CWC27: variants seen among roughly 807,000 people sequenced by gnomAD.
CWC27 encodes spliceosome-associated protein CWC27 homolog.
Under a neutral mutation model 63.6 loss-of-function variants are expected in CWC27, and 47 were observed. The ratio of observed to expected loss-of-function variants is 0.74; its 90% CI spans 0.58 to 0.94. CWC27 has a LOEUF of 0.94. CWC27 is among the 40% of genes least tolerant of loss of function. CWC27 has a pLI of 0.00. For synonymous variants in CWC27, 175 were observed against 179.8 expected, an observed-to-expected ratio of 0.97 and a Z score of 0.22; for missense variants, 495 against 554.3, an observed-to-expected ratio of 0.89 and a Z score of 1.07.
At chr5:64,838,389 T>C (rs1364020969) in intron 10 of CWC27, among the ~76,000 whole-genome samples, 2 of 152,186 alleles carry the variant, frequency 1.3e-5, no homozygotes, top group African/African-American at 4.8e-5. Context: ...TACATATAGA[T>C]TATGTATATA....
At position 64,999,887 on chromosome 5, in the gene CWC27, T is replaced by G. The variant is rs78439969; in HGVS notation, c.1257-18272T>G. Among the ~76,000 whole-genome samples, 682 of 152,154 alleles carry G rather than the reference T, an allele frequency of 4.5e-3. 7 individuals carry two copies. The highest frequency in any genetic ancestry group is 0.023 in the East Asian group (118 of 5,182). On this transcript the variant is annotated intron_variant, in intron 13 of 13. Transcript: ENST00000381070. ...AATGCTGGGTCATATGGTAGCTCTA[T>G]TTTTACCTTTCTGAGAAACCTCCAT...
chr5:65,015,280 A>G (rs940254670), intron 13 of CWC27, among the ~76,000 whole-genome samples: 1 of 152,232 alleles, frequency 6.6e-6, no homozygotes, highest in Non-Finnish European at 1.5e-5. Flanking sequence ...GAGAATCCCT[A>G]CTAGAAATGG....
intron 5 of CWC27, 139 bp downstream of exon 5, chr5:64,785,718 G>A: frequency 2.0e-6 from 1 of 506,174 alleles, no homozygotes; most frequent in South Asian, 3.6e-5. Flanking sequence ...AATTTATTTG[G>A]GCACCGTTTC....
At chr5:64,918,520 A>G (rs1162257293) in intron 11 of CWC27, among the ~76,000 whole-genome samples, 2 of 152,174 alleles carry the variant, frequency 1.3e-5, no homozygotes, top group African/African-American at 2.4e-5. Context: ...TCAAAACATG[A>G]TGTTGTACAC....
intron 1 of CWC27, among the ~76,000 whole-genome samples, chr5:64,774,430 T>C (rs760315786): frequency 3.9e-5 from 6 of 152,236 alleles, no homozygotes; most frequent in Non-Finnish European, 8.8e-5. Context: ...TGAAGTTTTT[T>C]TCTGTGATTA....
At chr5:64,870,503 A>G (rs931564548) in intron 10 of CWC27, among the ~76,000 whole-genome samples, 1 of 151,450 alleles carries the variant, frequency 6.6e-6, no homozygotes, top group Non-Finnish European at 1.5e-5. Flanking sequence ...AAAAAAATAC[A>G]TGATCCATTA....
At chr5:64,858,732 A>G (rs747977396) in intron 10 of CWC27, among the ~76,000 whole-genome samples, 4 of 152,298 alleles carry the variant, frequency 2.6e-5, no homozygotes, top group Non-Finnish European at 5.9e-5. Flanking sequence ...ACATTTAAAA[A>G]AAAAATGAAA....
intron 10 of CWC27, among the ~76,000 whole-genome samples, chr5:64,820,509 TATC>T (rs1745167609): frequency 6.6e-6 from 1 of 151,930 alleles, no homozygotes; most frequent in African/African-American, 2.4e-5. Flanking sequence ...TGTGAACCAA[TATC>T]TAGAGTGTGA....
intron 1 of CWC27, among the ~76,000 whole-genome samples, chr5:64,772,236 T>C (rs1413262231): frequency 3.3e-5 from 5 of 152,188 alleles, no homozygotes; most frequent in African/African-American, 4.8e-5. Flanking sequence ...GAGTGCATAC[T>C]TCAGTGGGTG....
At chr5:64,996,687 A>G (rs1749638427) in intron 13 of CWC27, among the ~76,000 whole-genome samples, 1 of 152,104 alleles carries the variant, frequency 6.6e-6, no homozygotes, top group African/African-American at 2.4e-5. Flanking sequence ...TTGGCTCAAT[A>G]GTTTGATTCC....
chr5:64,885,738 T>TGTGTGTGTGTGTGTGTGTGTGTGTG (rs60595588), intron 11 of CWC27, among the ~76,000 whole-genome samples, 192 bp downstream of exon 11: 2 of 141,390 alleles, frequency 1.4e-5, no homozygotes, highest in East Asian at 1.9e-4. Context: ...TGTGTGTGTG[T>TGTGTGTGTGTGTGTGTGTGTGTGTG]TTTTAATACT....
At chr5:64,772,098 T>A (rs929949394) in intron 1 of CWC27, among the ~76,000 whole-genome samples, 17 of 152,134 alleles carry the variant, frequency 1.1e-4, no homozygotes, top group African/African-American at 4.1e-4. Context: ...TCAGATAGTG[T>A]GCGCAAGGTA....
chr5:65,003,152 C>T (rs1049584525), intron 13 of CWC27, among the ~76,000 whole-genome samples: 3 of 152,104 alleles, frequency 2.0e-5, no homozygotes, highest in Admixed American at 6.5e-5. Context: ...TTTTCCATCC[C>T]TTCATTTTCA....
intron 10 of CWC27, among the ~76,000 whole-genome samples, chr5:64,881,006 T>G (rs1477393662): frequency 6.6e-6 from 1 of 151,914 alleles, no homozygotes; most frequent in African/African-American, 2.4e-5. Context: ...TTTGAACATA[T>G]TTAAATATAT....
chr5:64,878,271 G>A (rs995371678), intron 10 of CWC27, among the ~76,000 whole-genome samples: 4 of 151,440 alleles, frequency 2.6e-5, no homozygotes, highest in African/African-American at 9.7e-5. Context: ...TTTAAATGAA[G>A]AAAACAACTC....
chr5:64,803,027 C>T (rs1418876356), intron 9 of CWC27, among the ~76,000 whole-genome samples: 2 of 152,058 alleles, frequency 1.3e-5, no homozygotes, highest in Non-Finnish European at 2.9e-5. Context: ...TGGTTGTCAC[C>T]TTTTAGTGCT....
intron 11 of CWC27, among the ~76,000 whole-genome samples, chr5:64,913,994 C>T (rs1308145706): frequency 1.3e-5 from 2 of 151,898 alleles, no homozygotes; most frequent in Non-Finnish European, 2.9e-5. Flanking sequence ...CAAATAGACA[C>T]GTGATATAGA....
At chr5:64,807,231 T>A (rs889028599) in intron 10 of CWC27, among the ~76,000 whole-genome samples, 4 of 152,212 alleles carry the variant, frequency 2.6e-5, no homozygotes, top group African/African-American at 9.6e-5. Context: ...ATAATTTTAC[T>A]GAAAACGTGT....
intron 10 of CWC27, among the ~76,000 whole-genome samples, chr5:64,854,563 A>T (rs1228214536): frequency 6.6e-6 from 1 of 152,242 alleles, no homozygotes; most frequent in African/African-American, 2.4e-5. Flanking sequence ...TACTGAATAA[A>T]AGCTTATGAT....
Sources: gnomAD v4.1 joint callset for allele counts (sites outside exome capture counted in the v4.1 genomes callset) on GRCh38, gnomAD v4.1.1 for gene constraint, MANE v1.5 for transcripts, NCBI Gene and HGNC (gene_info 2026-07-23, HGNC 2026-07-21) for gene names.